KALRN: variants seen among roughly 807,000 people sequenced by gnomAD.
KALRN encodes kalirin.
KALRN carries 70 observed loss-of-function variants against 353.7 expected under a neutral mutation model. The observed-to-expected ratio is 0.20, with a 90% CI of 0.16 to 0.24. The LOEUF (loss-of-function observed/expected upper bound fraction) is 0.24, where lower values mean the gene tolerates loss of function less well. Among genes scored for constraint, KALRN ranks in the 10% least tolerant of loss-of-function variants. KALRN has a pLI of 1.00. For missense variants in KALRN, 2,791 were observed against 3,756.7 expected (o/e 0.74, Z 6.72); for synonymous variants, 1,391 against 1,434.8 (o/e 0.97, Z 0.69).
chr3:124,068,871 T>C (rs2042597850), intron 1 of KALRN, among the ~76,000 whole-genome samples: 1 of 152,142 alleles, frequency 6.6e-6, no homozygotes, highest in Admixed American at 6.5e-5. Context: ...AATGTGACAT[T>C]TTCCACTGGA....
At chr3:124,433,269 AAGTT>A in intron 16 of KALRN, among the ~76,000 whole-genome samples, 1 of 151,694 alleles carries the variant, frequency 6.6e-6, no homozygotes, top group Non-Finnish European at 1.5e-5. Context: ...AGTAAATAAA[AAGTT>A]AATAAATAAA....
intron 6 of KALRN, among the ~76,000 whole-genome samples, chr3:124,302,347 G>GA (rs2077333358): frequency 6.6e-6 from 1 of 152,184 alleles, no homozygotes; most frequent in African/African-American, 2.4e-5. Context: ...CAGAGTTTAA[G>GA]AAAAGGACCC....
At chr3:124,506,417 A>G (rs1479883558) in intron 33 of KALRN, among the ~76,000 whole-genome samples, 1 of 152,226 alleles carries the variant, frequency 6.6e-6, no homozygotes, top group East Asian at 1.9e-4. Flanking sequence ...TCCCATTTGT[A>G]GGAACTTAAA....
chr3:124,264,142 A>G (rs532756035), intron 3 of KALRN, among the ~76,000 whole-genome samples: 1 of 151,956 alleles, frequency 6.6e-6, no homozygotes, highest in South Asian at 2.1e-4. Context: ...CAAACTCCGA[A>G]ATGCTGCAAC....
chr3:124,200,067 GGTGGGTGGCTGCAGCA>G (rs1406974892), intron 1 of KALRN, among the ~76,000 whole-genome samples: 1 of 152,216 alleles, frequency 6.6e-6, no homozygotes, highest in Non-Finnish European at 1.5e-5. Flanking sequence ...TAAACAGGAA[GGTGGGTGGCTGCAGCA>G]GTGGCTGCAA....
At chr3:124,553,672 C>T (rs1169366212) in intron 33 of KALRN, among the ~76,000 whole-genome samples, 1 of 152,192 alleles carries the variant, frequency 6.6e-6, no homozygotes, top group Non-Finnish European at 1.5e-5. Context: ...TGAGCTCTTT[C>T]CTCCTTCCAA....
At chr3:124,306,177 C>T (rs915485128) in intron 6 of KALRN, among the ~76,000 whole-genome samples, 12 of 152,068 alleles carry the variant, frequency 7.9e-5, no homozygotes, top group East Asian at 3.9e-4. Flanking sequence ...TAGGCTCAAG[C>T]GGTCCTCCCA....
chr3:124,355,709 C>CTTTTTT (rs3055894), intron 10 of KALRN, among the ~76,000 whole-genome samples: 2,042 of 97,228 alleles, frequency 0.021, 138 homozygotes, highest in Middle Eastern at 0.035. Flanking sequence ...TCTCTCCCAT[C>CTTTTTT]TTTTTTTTTT....
At chr3:124,532,722 G>T (rs764594503) in intron 33 of KALRN, among the ~76,000 whole-genome samples, 1 of 152,092 alleles carries the variant, frequency 6.6e-6, no homozygotes, top group Non-Finnish European at 1.5e-5. Flanking sequence ...CAGGAAAATT[G>T]CTTGAGAGGC....
chr3:124,622,301 C>T (rs584113), intron 34 of KALRN, among the ~76,000 whole-genome samples: 111,314 of 151,938 alleles, frequency 0.73, 41,579 homozygotes, highest in African/African-American at 0.88. Flanking sequence ...TTCAGTATTA[C>T]GATTAACACC....
At chr3:124,068,811 G>C (rs544223849) in intron 1 of KALRN, among the ~76,000 whole-genome samples, 5 of 152,330 alleles carry the variant, frequency 3.3e-5, no homozygotes, top group African/African-American at 1.2e-4. Context: ...TGGAGGAGTT[G>C]TGGAGGGGTA....
intron 1 of KALRN, among the ~76,000 whole-genome samples, chr3:124,122,137 C>A (rs1233116912): frequency 2.0e-5 from 3 of 152,106 alleles, no homozygotes; most frequent in Non-Finnish European, 4.4e-5. Flanking sequence ...GGTGGTGGTG[C>A]TAAAGAGAAA....
At chr3:124,060,097 A>G (rs1230018914) in intron 1 of KALRN, among the ~76,000 whole-genome samples, 1 of 151,914 alleles carries the variant, frequency 6.6e-6, no homozygotes, top group East Asian at 1.9e-4. Context: ...TTCTCAAGGG[A>G]CTCTTTCTCT....
intron 25 of KALRN, among the ~76,000 whole-genome samples, chr3:124,472,606 T>TGC (rs71270415): frequency 8.6e-5 from 13 of 150,632 alleles, no homozygotes; most frequent in Non-Finnish European, 1.6e-4. Flanking sequence ...TGTGTGTGTG[T>TGC]ACCTGTGTGT....
intron 1 of KALRN, among the ~76,000 whole-genome samples, chr3:124,065,624 T>A (rs542788730): frequency 1.5e-4 from 16 of 108,290 alleles, no homozygotes; most frequent in African/African-American, 5.4e-4. Flanking sequence ...ACTAAAACAT[T>A]CCTTAGTTAA....
intron 33 of KALRN, among the ~76,000 whole-genome samples, chr3:124,501,774 C>T (rs1382424029): frequency 6.6e-6 from 1 of 152,182 alleles, no homozygotes; most frequent in African/African-American, 2.4e-5. Flanking sequence ...CCACCCACTT[C>T]GTTCATGAAC....
chr3:124,701,588 A>C (rs1004901034), intron 56 of KALRN, among the ~76,000 whole-genome samples: 2 of 151,894 alleles, frequency 1.3e-5, no homozygotes, highest in African/African-American at 2.4e-5. Context: ...GGGTCTTGCT[A>C]TGTGGCTCAG....
chr3:124,522,304 C>T (rs1370849622), intron 33 of KALRN, among the ~76,000 whole-genome samples: 1 of 151,686 alleles, frequency 6.6e-6, no homozygotes, highest in Non-Finnish European at 1.5e-5. Flanking sequence ...TACATATACA[C>T]ATACATATAT....
At chr3:124,073,431 A>G (rs1232626792) in intron 1 of KALRN, among the ~76,000 whole-genome samples, 4 of 152,254 alleles carry the variant, frequency 2.6e-5, no homozygotes, top group Admixed American at 2.0e-4. Flanking sequence ...GTTAAGCAAT[A>G]TATAGACAAG....
Sources: allele counts gnomAD v4.1 joint callset (sites outside exome capture counted in the v4.1 genomes callset), GRCh38; gene constraint gnomAD v4.1.1; transcripts MANE v1.5; gene names NCBI Gene and HGNC (gene_info 2026-07-23, HGNC 2026-07-21).